ASIC2: variants seen among roughly 807,000 people sequenced by gnomAD.
ASIC2 encodes the protein acid-sensing ion channel 2.
ASIC2 carries 25 observed loss-of-function variants against 57.3 expected under a neutral mutation model. That is an observed-to-expected ratio of 0.44 (90% CI 0.32 to 0.61). ASIC2 has a LOEUF of 0.61. Ranked by LOEUF, ASIC2 falls within the 20% of genes least tolerant of loss-of-function variation. The pLI is 0.06. For synonymous variants in ASIC2, 319 were observed against 307.5 expected (o/e 1.04, Z -0.39); for missense variants, 641 against 738.1 (o/e 0.87, Z 1.52).
intron 1 of ASIC2, among the ~76,000 whole-genome samples, chr17:33,343,319 CT>C (rs1359855395): frequency 6.6e-6 from 1 of 152,220 alleles, no homozygotes; most frequent in East Asian, 1.9e-4. Context: ...CTTCTGCTCC[CT>C]CTTCTAATCC....
intron 1 of ASIC2, among the ~76,000 whole-genome samples, chr17:33,331,559 G>T (rs959501490): frequency 2.6e-5 from 4 of 152,168 alleles, no homozygotes; most frequent in African/African-American, 4.8e-5. Flanking sequence ...AGAATTGAAA[G>T]ACTTTTTATT....
intron 1 of ASIC2, among the ~76,000 whole-genome samples, chr17:34,066,140 G>A (rs1322326798): frequency 1.3e-5 from 2 of 152,136 alleles, no homozygotes; most frequent in African/African-American, 4.8e-5. Flanking sequence ...ACTATGAGTG[G>A]GGAAGGCCTG....
intron 1 of ASIC2, among the ~76,000 whole-genome samples, chr17:33,161,643 CA>C (rs1905162451): frequency 6.6e-6 from 1 of 152,088 alleles, no homozygotes; most frequent in Non-Finnish European, 1.5e-5. Context: ...GCTTTGTTCA[CA>C]AAAATATACT....
chr17:33,768,015 T>C (rs1464757608), intron 1 of ASIC2, among the ~76,000 whole-genome samples: 1 of 151,974 alleles, frequency 6.6e-6, no homozygotes, highest in Non-Finnish European at 1.5e-5. Context: ...TACACAATTT[T>C]TTTTTTTTTT....
chr17:33,424,537 G>T (rs1321152634), intron 1 of ASIC2, among the ~76,000 whole-genome samples: 1 of 152,194 alleles, frequency 6.6e-6, no homozygotes, highest in Non-Finnish European at 1.5e-5. Flanking sequence ...TGCACATTGG[G>T]TAGCCTGAAA....
chr17:34,147,544 A>G (rs1233355042), intron 1 of ASIC2, among the ~76,000 whole-genome samples: 1 of 152,258 alleles, frequency 6.6e-6, no homozygotes, highest in Non-Finnish European at 1.5e-5. Flanking sequence ...TTATCAAATA[A>G]TAACCATGTA....
upstream of ASIC2, among the ~76,000 whole-genome samples, chr17:33,297,860 AAATAAAT>A (rs907903846): frequency 1.8e-4 from 27 of 147,090 alleles, no homozygotes; most frequent in African/African-American, 6.7e-4. Context: ...ATAAATAAAT[AAATAAAT>A]AATAAAGTTT....
intron 1 of ASIC2, among the ~76,000 whole-genome samples, chr17:33,773,243 T>C (rs540387681): frequency 2.7e-4 from 41 of 152,194 alleles, no homozygotes; most frequent in African/African-American, 9.9e-4. Flanking sequence ...TACAATGAAC[T>C]CCCTTTGTAA....
At chr17:33,385,386 A>G (rs1243533017) in intron 1 of ASIC2, among the ~76,000 whole-genome samples, 1 of 151,984 alleles carries the variant, frequency 6.6e-6, no homozygotes, top group African/African-American at 2.4e-5. Context: ...AGCTGTGGCC[A>G]CTGTTCCTGC....
intron 1 of ASIC2, among the ~76,000 whole-genome samples, chr17:33,830,417 A>T (rs1913066516): frequency 6.6e-6 from 1 of 152,040 alleles, no homozygotes; most frequent in South Asian, 2.1e-4. Flanking sequence ...CGGGATGGGG[A>T]GATCAGTCCC....
At position 33,017,677 on chromosome 17, in the gene ASIC2, A is replaced by G. The variant is rs1195163982; in HGVS notation, c.1449T>C (p.Ile483=). 3 of 1,613,142 alleles carry G rather than the reference A, an allele frequency of 1.9e-6. No homozygotes were observed. In the Admixed American group the frequency reaches 5.0e-5, roughly 27 times the overall value. ...AYEVAALLGD[I]GGQMGLFIGA... ...CAATGAACAATCCCATCTGACCACC[A>G]ATATCACCTGGAGAGAGAGGGAAAA... The change falls in exon 8 of 10, where the codon ATT becomes ATC. Residue 483 remains isoleucine (I), a synonymous_variant. Transcript: ENST00000225823.
chr17:33,130,066 G>A (rs1467279013), intron 1 of ASIC2, among the ~76,000 whole-genome samples: 1 of 152,090 alleles, frequency 6.6e-6, no homozygotes, highest in Non-Finnish European at 1.5e-5. Flanking sequence ...CTCTCCGTAT[G>A]TAAGCCCCTA....
chr17:33,464,496 C>G (rs1331653213), intron 1 of ASIC2, among the ~76,000 whole-genome samples: 1 of 38,426 alleles, frequency 2.6e-5, no homozygotes, highest in Non-Finnish European at 5.5e-5. Context: ...TTCTTTCTTT[C>G]TTTCTTTCTT....
At chr17:33,621,654 G>C (rs1905804186) in intron 1 of ASIC2, among the ~76,000 whole-genome samples, 1 of 152,208 alleles carries the variant, frequency 6.6e-6, no homozygotes, top group Non-Finnish European at 1.5e-5. Context: ...CTTGGGGTCA[G>C]TGTGTCGGAA....
At chr17:33,978,877 T>C (rs145538003) in intron 1 of ASIC2, among the ~76,000 whole-genome samples, 1 of 151,968 alleles carries the variant, frequency 6.6e-6, no homozygotes, top group East Asian at 1.9e-4. Context: ...GGGTCATAGA[T>C]AAAACCAAAA....
rs759052535 is a variant in ASIC2, at chr17:33,291,894, G to C, written c.222C>G (p.Ala74=). 58 of 1,602,396 alleles carry C rather than the reference G, an allele frequency of 3.6e-5. No individual in the cohort carries two copies. The East Asian group carries it at 1.1e-3, about 31-fold the overall frequency. The part of the protein sequence containing the change: ...AKLHGLRHMC[A]GRTAAGGSFQ... ...AGGAGCCCCCAGCCGCCGTGCGCCC[G>C]GCACACATGTGCCGCAGCCCGTGCA... is the stretch of plus-strand genomic sequence containing the variant. The change falls in exon 1 of 10, where the codon GCC becomes GCG. Residue 74 remains alanine, a synonymous_variant. Transcript: ENST00000225823.
intron 1 of ASIC2, among the ~76,000 whole-genome samples, chr17:33,758,277 C>A (rs1424600082): frequency 1.3e-5 from 2 of 152,082 alleles, no homozygotes; most frequent in African/African-American, 4.8e-5. Flanking sequence ...GATATTGCTA[C>A]CAGAGCCAGT....
chr17:33,163,752 T>A (rs1378837768), intron 1 of ASIC2, among the ~76,000 whole-genome samples: 1 of 152,126 alleles, frequency 6.6e-6, no homozygotes, highest in African/African-American at 2.4e-5. Context: ...ACATGTAATA[T>A]ATCCGATGAT....
rs2091834578 is a variant in ASIC2 at position 33,021,316 on chromosome 17, G to T, written c.1350-6C>A. 1 of 1,599,272 alleles carries T rather than the reference G, an allele frequency of 6.3e-7. No homozygotes were observed. Among genetic ancestry groups the T allele is most frequent in the Non-Finnish European group, 8.6e-7 (1 of 1,169,524 alleles). On this transcript the variant is annotated splice_polypyrimidine_tract_variant and splice_region_variant and intron_variant, in intron 6 of 9. Transcript: ENST00000225823. ...CCAGAACAAGGATGTTCTCTCTGCA[G>T]AGAGAATAGTCAGTACCATACATGG...
Sources: allele counts gnomAD v4.1 joint callset (sites outside exome capture counted in the v4.1 genomes callset), GRCh38; gene constraint gnomAD v4.1.1; transcripts MANE v1.5; gene names NCBI Gene and HGNC (gene_info 2026-07-23, HGNC 2026-07-21).